SMU1: variants seen among roughly 807,000 people sequenced by gnomAD.
SMU1 encodes the protein SMU1 DNA replication regulator and spliceosomal factor, also known as WD40 repeat-containing protein SMU1.
In SMU1, 2 loss-of-function variants were observed where a neutral mutation model predicts 62.0. The observed-to-expected ratio is 0.03, with a 90% CI of 0.01 to 0.10. The LOEUF is 0.10. Among genes scored for constraint, SMU1 ranks in the 10% least tolerant of loss-of-function variants. SMU1 has a pLI of 1.00. For synonymous variants in SMU1, 188 were observed against 212.4 expected, an observed-to-expected ratio of 0.89 and a Z score of 1.00; for missense variants, 227 against 622.1, an observed-to-expected ratio of 0.36 and a Z score of 6.76.
rs1839490725 is a variant in SMU1 at position 33,071,877 on chromosome 9, T to C, written c.253A>G (p.Ile85Val). ...GCAGCACCCAATTCACGGAGCTCTA[T>C]CAATTCCAGAACAACCTGGACAATT... ...DLYEQVVLEL[I>V]ELRELGAARS... The change falls in exon 3 of 12, where the codon ATA becomes GTA. Residue 85 changes from isoleucine (I) to valine (V), a missense_variant. Coordinates refer to ENST00000397149, the MANE Select transcript of SMU1 (RefSeq NM_018225.3). 6 of 1,571,558 alleles carry C rather than the reference T, an allele frequency of 3.8e-6. No homozygotes were observed. The highest frequency in any genetic ancestry group is 5.2e-6 in the Non-Finnish European group (6 of 1,164,866).
intron 1 of SMU1, among the ~76,000 whole-genome samples, chr9:33,074,918 C>A (rs900760311): frequency 3.3e-5 from 5 of 152,146 alleles, no homozygotes; most frequent in Middle Eastern, 3.4e-3. Flanking sequence ...AGACCACAGG[C>A]ATGCACCACC....
Position 33,042,996 on chromosome 9 carries a change from C to A in SMU1, c.*4297G>T, listed in dbSNP as rs892604911. The A allele has an allele frequency of 6.6e-6, 1 of 152,192 alleles. No homozygotes were observed. The highest frequency in any genetic ancestry group is 1.5e-5 in the Non-Finnish European group (1 of 68,094). The allele number at this position is 152,192 out of a possible 1,614,324, so 9.4% of individuals were successfully genotyped here. A position where few individuals can be genotyped will look rare whatever the true frequency, so the allele number is the denominator to read the frequency against. Reference sequence around the variant, plus strand: ...GACTACAGGCGTGTGCCACCATGCCCGGCTAATTTTGTATCCTTAGTAGAG... The same window carrying A: ...GACTACAGGCGTGTGCCACCATGCCAGGCTAATTTTGTATCCTTAGTAGAG... On this transcript the variant is annotated 3_prime_UTR_variant, in exon 12 of 12. Coordinates refer to ENST00000397149, the MANE Select transcript of SMU1 (RefSeq NM_018225.3).
intron 4 of SMU1, among the ~76,000 whole-genome samples, chr9:33,067,170 G>T (rs1437583704): frequency 6.6e-6 from 1 of 151,980 alleles, no homozygotes; most frequent in African/African-American, 2.4e-5. Context: ...TGTAAACATT[G>T]AATATAGATT....
intron 8 of SMU1, 126 bp from the exon 9 acceptor site, chr9:33,056,365 G>T: frequency 2.1e-6 from 2 of 963,846 alleles, no homozygotes; most frequent in Non-Finnish European, 3.0e-6. Flanking sequence ...AGAGGGCTAT[G>T]TGATTGTGTA....
At position 33,076,641 on chromosome 9, in the gene SMU1, T is replaced by C. The variant is rs772882167; in HGVS notation, c.-33A>G. ...TCTCTCCGGGAGCAGGCCCCAGCTC[T>C]CCCTCAAGGCCAGTCGCGCAACACA... On this transcript the variant is annotated 5_prime_UTR_variant, in exon 1 of 12. Transcript: ENST00000397149. The C allele has an allele frequency of 6.2e-7, 1 of 1,613,662 alleles. No individual in the cohort carries two copies. The highest frequency in any genetic ancestry group is 1.7e-5 in the Admixed American group (1 of 60,016).
rs753152194 is a variant in SMU1 at position 33,076,612 on chromosome 9, C to G, written c.-4G>C. ...AAGATTCGATTTCGATCGACATAGC[C>G]GTATCTCTCCGGGAGCAGGCCCCAG... is the stretch of plus-strand genomic sequence containing the variant. On this transcript the variant is annotated 5_prime_UTR_variant, in exon 1 of 12. Transcript: ENST00000397149. 20 of 1,613,956 alleles carry G rather than the reference C, an allele frequency of 1.2e-5. No homozygotes were observed. Among genetic ancestry groups the G allele is most frequent in the Admixed American group, 1.7e-5 (1 of 60,022 alleles).
rs1839129634 is a variant in SMU1 at position 33,041,890 on chromosome 9, T to C, written c.*5403A>G. 7.5e-6 allele frequency: 1 copy of C among 134,106 alleles called. No homozygotes were observed. 8.3% of individuals were successfully genotyped at this position (134,106 alleles called of 1,614,324 possible). ...ATTGTATAATTTCACTTATATGAACTAAACTTAGACAAATGCATTGAGGCA... is the reference window on the plus strand; with the variant it reads ...ATTGTATAATTTCACTTATATGAACCAAACTTAGACAAATGCATTGAGGCA... On this transcript the variant is annotated 3_prime_UTR_variant, in exon 12 of 12. Coordinates refer to ENST00000397149, the MANE Select transcript of SMU1 (RefSeq NM_018225.3).
chr9:33,066,558 A>G (rs892432135), intron 4 of SMU1, among the ~76,000 whole-genome samples: 2 of 148,990 alleles, frequency 1.3e-5, no homozygotes, highest in Non-Finnish European at 3.0e-5. Context: ...CTGTAATCCC[A>G]AAACTTTGGG....
chr9:33,050,706 A>G (rs1187887545), intron 10 of SMU1, among the ~76,000 whole-genome samples: 1 of 151,678 alleles, frequency 6.6e-6, no homozygotes, highest in Non-Finnish European at 1.5e-5. Flanking sequence ...GGCGCCTGTA[A>G]TCCCAGCTAC....
At chr9:33,056,756 G>T in intron 8 of SMU1, 81 bp downstream of exon 8, 1 of 1,446,294 alleles carries the variant, frequency 6.9e-7, no homozygotes. Context: ...CATGGTAAAA[G>T]CGTAAGGAAT....
At chr9:33,067,266 T>C (rs1261711241) in intron 4 of SMU1, among the ~76,000 whole-genome samples, 1 of 147,008 alleles carries the variant, frequency 6.8e-6, no homozygotes, top group Non-Finnish European at 1.5e-5. Flanking sequence ...GACAAATCAT[T>C]TTTCGCTGAA....
intron 11 of SMU1, among the ~76,000 whole-genome samples, chr9:33,047,686 C>T (rs1283749240): frequency 6.6e-6 from 1 of 151,978 alleles, no homozygotes; most frequent in East Asian, 1.9e-4. Context: ...GGTGAAACCC[C>T]GTCTCCACTA....
intron 4 of SMU1, among the ~76,000 whole-genome samples, chr9:33,064,419 G>C (rs1408789461): frequency 1.3e-5 from 2 of 152,066 alleles, no homozygotes; most frequent in African/African-American, 2.4e-5. Flanking sequence ...CTTTCTATCT[G>C]AAATTATGCT....
chr9:33,049,916 C>T (rs571252088), intron 10 of SMU1, among the ~76,000 whole-genome samples: 1 of 151,916 alleles, frequency 6.6e-6, no homozygotes, highest in South Asian at 2.1e-4. Context: ...CCAGCCTGGG[C>T]AATGGAGCAA....
chr9:33,074,164 C>A (rs1027020218), intron 1 of SMU1, among the ~76,000 whole-genome samples: 1 of 152,104 alleles, frequency 6.6e-6, no homozygotes, highest in Non-Finnish European at 1.5e-5. Context: ...GTTATTTATA[C>A]AAAATAATCT....
intron 3 of SMU1, 73 bp from the exon 4 acceptor site, chr9:33,069,007 A>G: frequency 6.5e-7 from 1 of 1,546,230 alleles, no homozygotes; most frequent in Non-Finnish European, 8.8e-7. Context: ...TTTAAAACAA[A>G]CAAGCAGAAG....
chr9:33,056,025 C>T (rs1839299997), intron 9 of SMU1, 88 bp downstream of exon 9: 3 of 1,350,796 alleles, frequency 2.2e-6, no homozygotes, highest in South Asian at 3.0e-5. Context: ...TACTACAGCA[C>T]AATCATTCCC....
intron 9 of SMU1, among the ~76,000 whole-genome samples, chr9:33,054,192 A>T (rs186459806): frequency 4.0e-5 from 6 of 149,550 alleles, no homozygotes; most frequent in African/African-American, 9.8e-5. Context: ...TTTTTTTTTT[A>T]AAGAGATGAG....
chr9:33,070,699 A>C (rs1839476271), intron 3 of SMU1, among the ~76,000 whole-genome samples: 2 of 152,246 alleles, frequency 1.3e-5, no homozygotes, highest in South Asian at 4.1e-4. Flanking sequence ...CTGGACATAT[A>C]AAAGAATGAA....
Sources: allele counts gnomAD v4.1 joint callset (sites outside exome capture counted in the v4.1 genomes callset), GRCh38; gene constraint gnomAD v4.1.1; transcripts MANE v1.5; gene names NCBI Gene and HGNC (gene_info 2026-07-23, HGNC 2026-07-21).